C5orf34: variants seen among roughly 807,000 people sequenced by gnomAD.
The protein encoded by C5orf34 is uncharacterized protein C5orf34.
A neutral mutation model predicts 78.4 loss-of-function variants in C5orf34; 73 were observed. That is an observed-to-expected ratio of 0.93 (90% CI 0.77 to 1.13). The LOEUF is 1.13. Among genes scored for constraint, C5orf34 ranks in the 50% most tolerant of loss-of-function variants. The pLI, the probability that C5orf34 is intolerant of heterozygous loss-of-function variation, is 0.00. For synonymous variants in C5orf34, 251 were observed against 246.6 expected (o/e 1.02, Z -0.17); for missense variants, 730 against 732.7 (o/e 1.00, Z 0.04).
At chr5:43,514,646 G>T (rs1003147454) in intron 1 of C5orf34, among the ~76,000 whole-genome samples, 160 bp downstream of exon 1, 1 of 152,072 alleles carries the variant, frequency 6.6e-6, no homozygotes, top group Non-Finnish European at 1.5e-5. Context: ...TCCCGCTTGC[G>T]TTCTCATCAC....
At chr5:43,511,953 T>G (rs1048711898) in intron 1 of C5orf34, among the ~76,000 whole-genome samples, 45 of 151,192 alleles carry the variant, frequency 3.0e-4, no homozygotes, top group Admixed American at 1.7e-3. Flanking sequence ...GTTTATCTGC[T>G]GACCTTCCCT....
chr5:43,514,363 C>A (rs1366134005), intron 1 of C5orf34: 3 of 152,170 alleles, frequency 2.0e-5, no homozygotes, highest in Non-Finnish European at 2.9e-5. Flanking sequence ...TATATATAAA[C>A]ACACACGTAT....
chr5:43,494,416 C>A, intron 7 of C5orf34, 94 bp downstream of exon 7: 1 of 736,086 alleles, frequency 1.4e-6, no homozygotes, highest in Non-Finnish European at 2.2e-6. Context: ...TTCCATTGTA[C>A]CTGCCAATTC....
chr5:43,508,968 C>T (rs1746105889), intron 2 of C5orf34, among the ~76,000 whole-genome samples, 177 bp downstream of exon 2: 1 of 152,102 alleles, frequency 6.6e-6, no homozygotes, highest in African/African-American at 2.4e-5. Flanking sequence ...GTAGTGCACA[C>T]CTGTAGTCCT....
chr5:43,512,088 A>AT (rs1408659274), intron 1 of C5orf34, among the ~76,000 whole-genome samples: 1 of 152,076 alleles, frequency 6.6e-6, no homozygotes, highest in Admixed American at 6.6e-5. Flanking sequence ...CTAGCTAGCT[A>AT]TAAGTCTCAG....
chr5:43,513,029 G>A (rs536853488), intron 1 of C5orf34, among the ~76,000 whole-genome samples: 9 of 151,726 alleles, frequency 5.9e-5, no homozygotes, highest in Admixed American at 2.0e-4. Context: ...TGATCCACCC[G>A]TTTTGGCCTC....
chr5:43,493,821 C>G (rs915706611), intron 7 of C5orf34, among the ~76,000 whole-genome samples: 1 of 152,110 alleles, frequency 6.6e-6, no homozygotes, highest in African/African-American at 2.4e-5. Context: ...CTACTTAAGG[C>G]TATTCCTTTA....
At chr5:43,497,135 G>GA (rs1398996630) in intron 6 of C5orf34, among the ~76,000 whole-genome samples, 2 of 146,630 alleles carry the variant, frequency 1.4e-5, no homozygotes, top group African/African-American at 4.9e-5. Flanking sequence ...ACTGAAATTT[G>GA]AAAAAAATTG....
At chr5:43,498,444 A>G (rs765546065) in intron 6 of C5orf34, among the ~76,000 whole-genome samples, 4 of 152,200 alleles carry the variant, frequency 2.6e-5, no homozygotes, top group Non-Finnish European at 1.5e-5. Flanking sequence ...AATAATCTCA[A>G]ATCCTTAATT....
chr5:43,487,013 G>T lies in C5orf34; in HGVS notation c.1819C>A (p.Leu607Ile). ...HYKPGSSETL[L>I]GEVNENRVSI... ...ACTCTATTTTCATTAACTTCTCCTA[G>T]CAAGGTTTCTGAAGATCCTGGTTTA... Residue 607 changes from leucine (L) to isoleucine (I), a missense_variant, in exon 13 of 13, where the codon CTA becomes ATA. Physicochemically the swap from Leu to Ile is conservative, Grantham distance 5. Coordinates refer to ENST00000306862, the MANE Select transcript of C5orf34 (RefSeq NM_198566.4). 1 of 1,586,884 alleles carries T rather than the reference G, an allele frequency of 6.3e-7. No homozygotes were observed. Among genetic ancestry groups the T allele is most frequent in the Non-Finnish European group, 8.6e-7 (1 of 1,165,402 alleles).
chr5:43,505,037 C>T (rs945076359), intron 4 of C5orf34, among the ~76,000 whole-genome samples: 4 of 152,120 alleles, frequency 2.6e-5, no homozygotes, highest in Admixed American at 6.5e-5. Context: ...AGGGATGATA[C>T]GTTTTTTAAC....
intron 2 of C5orf34, 29 bp downstream of exon 2, chr5:43,509,116 A>G (rs768827049): frequency 2.5e-6 from 4 of 1,586,948 alleles, no homozygotes; most frequent in East Asian, 2.2e-5. Context: ...AAAAAACAAA[A>G]AAGTTGTTTA....
At position 43,486,938 on chromosome 5, in the gene C5orf34, G is replaced by C; in HGVS notation, c.1894C>G (p.Leu632Val). 1 of 1,532,752 alleles carries C rather than the reference G, an allele frequency of 6.5e-7. No individual in the cohort carries two copies. Among genetic ancestry groups the C allele is most frequent in the Non-Finnish European group, 8.7e-7 (1 of 1,144,670 alleles). The allele number at this position is 1,532,752 out of a possible 1,614,324, so 94.9% of individuals were successfully genotyped here. A position where few individuals can be genotyped will look rare whatever the true frequency, so the allele number is the denominator to read the frequency against. ...TTTCACTTTTTAGAGTTTGATAGAA[G>C]ACAGTCAATATCGTGAAGGATTTCA... ...TSEILHDIDC[L>V]LSNSKK is the part of the protein sequence containing the mutation. The change falls in exon 13 of 13, where the codon CTT (leucine) becomes GTT (valine). Residue 632 changes from leucine (L) to valine (V), a missense_variant. Leu to Val is a conservative substitution (Grantham distance 32, BLOSUM62 1). Transcript: ENST00000306862.
At chr5:43,493,840 C>T (rs1211452970) in intron 7 of C5orf34, among the ~76,000 whole-genome samples, 1 of 152,048 alleles carries the variant, frequency 6.6e-6, no homozygotes, top group Non-Finnish European at 1.5e-5. Flanking sequence ...TAATTTTTAG[C>T]AATGAAATGA....
intron 6 of C5orf34, among the ~76,000 whole-genome samples, chr5:43,498,790 A>C (rs1360593144): frequency 6.6e-6 from 1 of 152,194 alleles, no homozygotes; most frequent in Non-Finnish European, 1.5e-5. Flanking sequence ...TCCCTACTTG[A>C]AATCATTCAA....
At chr5:43,505,226 C>T (rs954163011) in intron 4 of C5orf34, among the ~76,000 whole-genome samples, 14 of 152,196 alleles carry the variant, frequency 9.2e-5, no homozygotes, top group Non-Finnish European at 1.9e-4. Context: ...GAAGCCACTC[C>T]GTGTGTACCC....
Position 43,494,587 on chromosome 5 carries a change from A to C in C5orf34, c.1167T>G (p.Thr389=). ...CTGGAGGAAGGTTATTTACTGAGTA[A>C]GTTTTCTCTTCTCTCTGAAAATTAG... ...QEGSGKREEK[T]YSVNNLPPDR... The change falls in exon 7 of 13, where the codon ACT becomes ACG. Residue 389 remains threonine, a synonymous_variant. Transcript: ENST00000306862. The C allele has an allele frequency of 6.3e-7, 1 of 1,596,054 alleles. No homozygotes were observed. Among genetic ancestry groups the C allele is most frequent in the South Asian group, 1.1e-5 (1 of 87,516 alleles).
Position 43,502,374 on chromosome 5 carries a change from T to C in C5orf34, c.1150A>G (p.Lys384Glu), listed in dbSNP as rs762030824. 1 of 1,611,772 alleles carries C rather than the reference T, an allele frequency of 6.2e-7. No homozygotes were observed. Among genetic ancestry groups the C allele is most frequent in the East Asian group, 2.2e-5 (1 of 44,730 alleles). ...TYYSIQEGSG[K>E]REEKTYSVNN... Reference sequence around the variant, plus strand: ...AGTTGAGTTCATTGTTGGCTTACCTTTCCTGATCCTTCTTGAATAGAATAA... The same window carrying C: ...AGTTGAGTTCATTGTTGGCTTACCTCTCCTGATCCTTCTTGAATAGAATAA... Residue 384 changes from lysine to glutamate, a missense_variant and splice_region_variant, in exon 6 of 13, where the codon AAG (lysine) becomes GAG (glutamate). Lys to Glu is a moderately conservative substitution (Grantham distance 56). Coordinates refer to ENST00000306862, the MANE Select transcript of C5orf34 (RefSeq NM_198566.4).
intron 12 of C5orf34, 26 bp from the exon 13 acceptor site, chr5:43,487,137 TC>T: frequency 1.7e-6 from 2 of 1,201,092 alleles, no homozygotes; most frequent in Non-Finnish European, 2.3e-6. Flanking sequence ...AAGGAGGTTT[TC>T]CCCACATTTT....
Sources: gnomAD v4.1 joint callset for allele counts (sites outside exome capture counted in the v4.1 genomes callset) on GRCh38, gnomAD v4.1.1 for gene constraint, MANE v1.5 for transcripts, NCBI Gene and HGNC (gene_info 2026-07-23, HGNC 2026-07-21) for gene names.